Variants in LY75 observed in about 807,000 individuals in gnomAD.
LY75 encodes C-type lectin domain family 13 member B.
LY75 carries 185 observed loss-of-function variants against 231.7 expected under a neutral mutation model. The observed-to-expected ratio is 0.80, with a 90% CI of 0.71 to 0.90. The LOEUF (loss-of-function observed/expected upper bound fraction) is 0.90. Ranked by LOEUF, LY75 falls within the 40% of genes least tolerant of loss-of-function variation. The pLI, the probability that LY75 is intolerant of heterozygous loss-of-function variation, is 0.00. For synonymous variants in LY75, 668 were observed against 689.0 expected (o/e 0.97, Z 0.48); for missense variants, 1,947 against 2,050.2 (o/e 0.95, Z 0.97).
chr2:159,901,919 C>A (rs967065765), intron 1 of LY75, among the ~76,000 whole-genome samples: 1 of 152,132 alleles, frequency 6.6e-6, no homozygotes, highest in Non-Finnish European at 1.5e-5. Context: ...GATGCTTCCC[C>A]GTATCTTTCT....
chr2:159,819,679 A>G (rs1683227156), intron 29 of LY75, 47 bp downstream of exon 29: 1 of 1,545,304 alleles, frequency 6.5e-7, no homozygotes, highest in Non-Finnish European at 8.7e-7. Flanking sequence ...ATAGCCTTAT[A>G]TTCTTTCCCT....
chr2:159,887,566 CAAAA>C (rs369452762), intron 4 of LY75, among the ~76,000 whole-genome samples: 53 of 103,824 alleles, frequency 5.1e-4, no homozygotes, highest in Admixed American at 1.8e-3. Context: ...TCAACAACAA[CAAAA>C]AAAAAAAAAA....
chr2:159,883,166 G>A (rs1685488110), intron 6 of LY75, among the ~76,000 whole-genome samples: 1 of 150,154 alleles, frequency 6.7e-6, no homozygotes, highest in Non-Finnish European at 1.5e-5. Context: ...AGCATTGGGA[G>A]ATATACCTAA....
chr2:159,856,179 G>A (rs1684544723), intron 16 of LY75, among the ~76,000 whole-genome samples: 1 of 152,150 alleles, frequency 6.6e-6, no homozygotes, highest in Admixed American at 6.6e-5. Flanking sequence ...ATGTATGTGT[G>A]TACAAGGTAT....
At chr2:159,808,313 G>C in intron 33 of LY75, 136 bp downstream of exon 33, 1 of 1,472,692 alleles carries the variant, frequency 6.8e-7, no homozygotes, top group Non-Finnish European at 9.2e-7. Context: ...ATCCAGAACA[G>C]CCAGCGACCT....
chr2:159,894,304 C>T (rs1314409718), intron 2 of LY75, among the ~76,000 whole-genome samples: 2 of 152,224 alleles, frequency 1.3e-5, no homozygotes, highest in African/African-American at 2.4e-5. Context: ...CTAGTAGCCT[C>T]TGTTTCTGCT....
At chr2:159,813,272 G>C (rs1268996873) in intron 31 of LY75, among the ~76,000 whole-genome samples, 1 of 151,432 alleles carries the variant, frequency 6.6e-6, no homozygotes, top group African/African-American at 2.4e-5. Context: ...ATTCCTACCA[G>C]CAGTGCATAA....
intron 31 of LY75, among the ~76,000 whole-genome samples, chr2:159,814,943 T>C (rs1350558589): frequency 2.0e-5 from 3 of 151,846 alleles, no homozygotes; most frequent in Non-Finnish European, 4.4e-5. Context: ...ACTGTATTTG[T>C]TTCCATTTAC....
chr2:159,835,790 G>T, intron 25 of LY75, 145 bp from the exon 26 acceptor site: 1 of 1,059,814 alleles, frequency 9.4e-7, no homozygotes, highest in Non-Finnish European at 1.3e-6. Flanking sequence ...AACAAGCATT[G>T]TTCTAAATGC....
intron 28 of LY75, among the ~76,000 whole-genome samples, chr2:159,829,845 T>C (rs1268756545): frequency 1.3e-5 from 2 of 152,230 alleles, no homozygotes; most frequent in African/African-American, 4.8e-5. Context: ...AGTCTTCTGA[T>C]CTAAAAATGC....
chr2:159,818,869 T>C (rs1342536315), intron 29 of LY75, among the ~76,000 whole-genome samples: 1 of 152,142 alleles, frequency 6.6e-6, no homozygotes, highest in Non-Finnish European at 1.5e-5. Flanking sequence ...GGTGCAAGTA[T>C]GAGGATGGGC....
intron 7 of LY75, 149 bp downstream of exon 7, chr2:159,881,975 A>T: frequency 1.0e-6 from 1 of 961,846 alleles, no homozygotes; most frequent in Non-Finnish European, 1.5e-6. Flanking sequence ...GACCAATTGT[A>T]GAACAGTTCC....
intron 5 of LY75, 31 bp downstream of exon 5, chr2:159,886,389 T>C (rs756656642): frequency 1.9e-6 from 3 of 1,541,620 alleles, no homozygotes; most frequent in Non-Finnish European, 1.7e-6. Flanking sequence ...AGATTTGTTC[T>C]GTGCAGAGGG....
At chr2:159,807,307 A>T (rs1203415182) in intron 33 of LY75, among the ~76,000 whole-genome samples, 167 bp from the exon 34 acceptor site, 2 of 152,268 alleles carry the variant, frequency 1.3e-5, no homozygotes, top group African/African-American at 4.8e-5. Context: ...CAGTTGCACT[A>T]GTCACATTTC....
intron 1 of LY75, chr2:159,902,801 G>A (rs1208376236): frequency 6.6e-6 from 1 of 152,228 alleles, no homozygotes; most frequent in Non-Finnish European, 1.5e-5. Flanking sequence ...GTTGGCTGGT[G>A]AAAACCTCAG....
intron 4 of LY75, among the ~76,000 whole-genome samples, chr2:159,887,250 C>CACACAT (rs60776463): frequency 6.7e-6 from 1 of 149,626 alleles, no homozygotes; most frequent in Non-Finnish European, 1.5e-5. Flanking sequence ...CACACACACA[C>CACACAT]GTGGTACAGT....
Position 159,839,114 on chromosome 2 carries a change from A to C in LY75, c.3507+1615T>G, listed in dbSNP as rs566690610. ...CCCGGCCGATCTGGGTTAACTTTAG[A>C]ATACCCTGTGGCTCAGAGAGACTAT... On this transcript the variant is annotated intron_variant, in intron 25 of 34. Coordinates refer to ENST00000263636, the MANE Select transcript of LY75 (RefSeq NM_002349.4). Among the ~76,000 whole-genome samples the C allele has an allele frequency of 5.9e-5, 9 of 152,294 alleles. No individual in the cohort carries two copies. In the South Asian group the frequency reaches 1.9e-3, roughly 32 times the overall value.
In LY75 at chr2:159,852,352, A is replaced by G; in HGVS notation, c.2744-12T>C. 2 of 1,610,980 alleles carry G rather than the reference A, an allele frequency of 1.2e-6. No homozygotes were observed. The highest frequency in any genetic ancestry group is 1.7e-6 in the Non-Finnish European group (2 of 1,178,540). On this transcript the variant is annotated splice_polypyrimidine_tract_variant and intron_variant, in intron 20 of 34. Coordinates refer to ENST00000263636, the MANE Select transcript of LY75 (RefSeq NM_002349.4). ...TGGTTTACCTAAGTCTGAGAAATGA[A>G]AAGCCAGGATTACTATGGTGAGAAT...
At chr2:159,828,820 G>T (rs1287098010) in intron 28 of LY75, among the ~76,000 whole-genome samples, 1 of 152,112 alleles carries the variant, frequency 6.6e-6, no homozygotes, top group Non-Finnish European at 1.5e-5. Context: ...GTCATAAAAA[G>T]GAATAACGTA....
Sources: allele counts gnomAD v4.1 joint callset (sites outside exome capture counted in the v4.1 genomes callset), GRCh38; gene constraint gnomAD v4.1.1; transcripts MANE v1.5; gene names NCBI Gene and HGNC (gene_info 2026-07-23, HGNC 2026-07-21).